Variants in LMTK2 observed in about 807,000 individuals in gnomAD.
The protein encoded by LMTK2 is serine/threonine-protein kinase LMTK2.
In LMTK2, 37 loss-of-function variants were observed where a neutral mutation model predicts 127.5. The ratio of observed to expected loss-of-function variants is 0.29; its 90% CI spans 0.22 to 0.38. LMTK2 has a LOEUF of 0.38. Ranked by LOEUF, LMTK2 falls within the 10% of genes least tolerant of loss-of-function variation. The pLI, the probability that LMTK2 is intolerant of heterozygous loss-of-function variation, is 1.00. For synonymous variants in LMTK2, 819 were observed against 810.1 expected, an observed-to-expected ratio of 1.01 and a Z score of -0.19; for missense variants, 1,694 against 1,920.3, an observed-to-expected ratio of 0.88 and a Z score of 2.20.
At chr7:98,186,245 G>T (rs899016899) in intron 8 of LMTK2, among the ~76,000 whole-genome samples, 1 of 152,008 alleles carries the variant, frequency 6.6e-6, no homozygotes, top group African/African-American at 2.4e-5. Flanking sequence ...TGTATTTTTA[G>T]TGGAGACGGG....
intron 4 of LMTK2, among the ~76,000 whole-genome samples, chr7:98,153,215 A>G (rs1439380633): frequency 6.6e-6 from 1 of 152,126 alleles, no homozygotes; most frequent in East Asian, 1.9e-4. Context: ...ATCTCGTTTT[A>G]TAGAGTGTAT....
At chr7:98,160,015 A>G (rs1449336728) in intron 6 of LMTK2, among the ~76,000 whole-genome samples, 1 of 152,238 alleles carries the variant, frequency 6.6e-6, no homozygotes. Flanking sequence ...TTTCATGAAT[A>G]ATTTCAGTAG....
Position 98,204,013 on chromosome 7 carries a change from T to C in LMTK2, c.4310T>C (p.Leu1437Pro). ...ATGTCAAAGACAACAAGTAACCTGC[T>C]CAGCTCCAAGCCTTCTCTCCAAACA... Reference protein sequence around the residue: ...PFMSKTTSNLLSSKPSLQTSK... With the variant: ...PFMSKTTSNLPSSKPSLQTSK... The change falls in exon 13 of 14, where the codon CTC becomes CCC. Residue 1437 changes from leucine to proline, a missense_variant. Physicochemically the swap from Leu to Pro is moderately conservative, Grantham distance 98. Coordinates refer to ENST00000297293, the MANE Select transcript of LMTK2 (RefSeq NM_014916.4). 6.2e-7 allele frequency: 1 copy of C among 1,614,222 alleles called. No individual in the cohort carries two copies. Among genetic ancestry groups the C allele is most frequent in the Non-Finnish European group, 8.5e-7 (1 of 1,180,038 alleles).
chr7:98,131,219 C>T lies in LMTK2; in HGVS notation c.104-6096C>T, dbSNP rs932494776. On this transcript the variant is annotated intron_variant, in intron 1 of 13. Transcript: ENST00000297293. ...TATCACTCCAAGGAGAAATGAATTA[C>T]ATTTTCTTAATATGGTCAGTTAGTG... 2.6e-5 allele frequency among the ~76,000 whole-genome samples: 4 copies of T among 152,308 alleles called. No homozygotes were observed. The South Asian group carries it at 8.3e-4, about 32-fold the overall frequency.
Position 98,157,549 on chromosome 7 carries a change from A to G in LMTK2, c.570-1789A>G, listed in dbSNP as rs187608052. Among the ~76,000 whole-genome samples, 16 of 151,864 alleles carry G rather than the reference A, an allele frequency of 1.1e-4. No homozygotes were observed. The East Asian group carries it at 3.1e-3, about 30-fold the overall frequency. On this transcript the variant is annotated intron_variant, in intron 5 of 13. Coordinates refer to ENST00000297293, the MANE Select transcript of LMTK2 (RefSeq NM_014916.4). ...GATTGTTCATAGCAGCTTTATTTGTAATTGCTAACAATTGGAAAAACTAAC... is the reference window on the plus strand; with the variant it reads ...GATTGTTCATAGCAGCTTTATTTGTGATTGCTAACAATTGGAAAAACTAAC...
chr7:98,197,907 G>T (rs796525890), intron 11 of LMTK2, among the ~76,000 whole-genome samples: 12 of 152,240 alleles, frequency 7.9e-5, no homozygotes, highest in African/African-American at 2.9e-4. Flanking sequence ...TTTTTGGTTG[G>T]TTTGGGTTTT....
At chr7:98,204,314 C>A in intron 13 of LMTK2, 128 bp downstream of exon 13, 1 of 1,279,964 alleles carries the variant, frequency 7.8e-7, no homozygotes, top group Non-Finnish European at 1.1e-6. Context: ...AGATTACAAA[C>A]TTGTTTTTAT....
At chr7:98,164,886 G>A (rs1459235170) in intron 6 of LMTK2, among the ~76,000 whole-genome samples, 5 of 152,290 alleles carry the variant, frequency 3.3e-5, no homozygotes, top group South Asian at 2.1e-4. Flanking sequence ...ACCTGGCCCC[G>A]GAGCAGATGA....
intron 9 of LMTK2, among the ~76,000 whole-genome samples, chr7:98,189,130 G>T (rs1257536179): frequency 6.6e-6 from 1 of 152,126 alleles, no homozygotes; most frequent in Admixed American, 6.6e-5. Flanking sequence ...GAATTCTTCA[G>T]CTGGGCTTAC....
chr7:98,147,296 G>A (rs1796788415), intron 3 of LMTK2, among the ~76,000 whole-genome samples: 2 of 151,718 alleles, frequency 1.3e-5, no homozygotes, highest in Admixed American at 6.6e-5. Context: ...ATGGTTCACT[G>A]CAGCCTCGAC....
At chr7:98,152,181 C>T (rs187779601) in intron 4 of LMTK2, among the ~76,000 whole-genome samples, 2 of 152,266 alleles carry the variant, frequency 1.3e-5, no homozygotes, top group Non-Finnish European at 2.9e-5. Context: ...AACAACTAGT[C>T]TTCTCTCATA....
rs760334384 is a variant in LMTK2 at position 98,204,113 on chromosome 7, G to A, written c.4410G>A (p.Arg1470=). ...QSWPHSAPYS[R]FSISPANIAS... Reference sequence around the variant, plus strand: ...GGCCGCACTCGGCGCCTTACTCCCGGTTCTCCATCTCTCCCGCCAACATTG... The same window carrying A: ...GGCCGCACTCGGCGCCTTACTCCCGATTCTCCATCTCTCCCGCCAACATTG... Residue 1470 remains arginine (R), a synonymous_variant, in exon 13 of 14, where the codon CGG becomes CGA. Transcript: ENST00000297293. 1.2e-6 allele frequency: 2 copies of A among 1,612,712 alleles called. No homozygotes were observed. Among genetic ancestry groups the A allele is most frequent in the East Asian group, 2.2e-5 (1 of 44,876 alleles).
chr7:98,140,123 T>TTGAG (rs1796658367), intron 2 of LMTK2, among the ~76,000 whole-genome samples: 1 of 5,104 alleles, frequency 2.0e-4, no homozygotes, highest in Non-Finnish European at 3.4e-4. Context: ...TCTTTCTTTC[T>TTGAG]TTCTTTCTTT....
chr7:98,187,087 TG>T, intron 9 of LMTK2, 89 bp downstream of exon 9: 1 of 1,201,096 alleles, frequency 8.3e-7, no homozygotes, highest in Non-Finnish European at 1.2e-6. Flanking sequence ...GGAAAGTAGT[TG>T]TATAAGATGT....
At chr7:98,155,825 A>G (rs958037878) in intron 5 of LMTK2, among the ~76,000 whole-genome samples, 2 of 152,246 alleles carry the variant, frequency 1.3e-5, no homozygotes, top group African/African-American at 4.8e-5. Flanking sequence ...GTCTTGGAAC[A>G]TCAGAAAAGA....
chr7:98,139,296 G>A (rs1471697799), intron 2 of LMTK2, among the ~76,000 whole-genome samples: 1 of 152,064 alleles, frequency 6.6e-6, no homozygotes, highest in African/African-American at 2.4e-5. Flanking sequence ...TGTATTTTTT[G>A]TAGAGACAGG....
intron 3 of LMTK2, among the ~76,000 whole-genome samples, chr7:98,146,076 A>G (rs542437522): frequency 6.6e-6 from 1 of 152,242 alleles, no homozygotes; most frequent in African/African-American, 2.4e-5. Flanking sequence ...TTGTTTTCCT[A>G]TTGAATTGTC....
At chr7:98,114,436 G>A (rs1796248343) in intron 1 of LMTK2, among the ~76,000 whole-genome samples, 1 of 151,548 alleles carries the variant, frequency 6.6e-6, no homozygotes, top group Non-Finnish European at 1.5e-5. Flanking sequence ...ATAGAGATGG[G>A]ATCTCACTAT....
intron 11 of LMTK2, among the ~76,000 whole-genome samples, chr7:98,199,457 C>T (rs1308807630): frequency 6.6e-6 from 1 of 152,108 alleles, no homozygotes; most frequent in African/African-American, 2.4e-5. Flanking sequence ...TCGTAATGTC[C>T]TTCTGTATTC....
Sources: allele counts gnomAD v4.1 joint callset (sites outside exome capture counted in the v4.1 genomes callset), GRCh38; gene constraint gnomAD v4.1.1; transcripts MANE v1.5; gene names NCBI Gene and HGNC (gene_info 2026-07-23, HGNC 2026-07-21).